The following FUT8 variants were observed in gnomAD, a reference collection of about 807,000 sequenced individuals.
FUT8 encodes fucosyltransferase 8, also known as alpha-(1,6)-fucosyltransferase.
Under a neutral mutation model 71.3 loss-of-function variants are expected in FUT8, and 29 were observed. That is an observed-to-expected ratio of 0.41 (90% CI 0.30 to 0.55). FUT8 has a LOEUF of 0.55. Ranked by LOEUF, FUT8 falls within the 20% of genes least tolerant of loss-of-function variation. FUT8 has a pLI of 0.34. For synonymous variants in FUT8, 254 were observed against 239.3 expected (o/e 1.06, Z -0.57); for missense variants, 544 against 702.1 (o/e 0.77, Z 2.55).
intron 3 of FUT8, among the ~76,000 whole-genome samples, chr14:65,611,603 G>T (rs1262042348): frequency 1.3e-5 from 2 of 151,632 alleles, no homozygotes; most frequent in African/African-American, 4.8e-5. Context: ...TTTCATTTCA[G>T]ACATTATAGT....
intron 7 of FUT8, among the ~76,000 whole-genome samples, chr14:65,715,870 A>G (rs1475922898): frequency 6.6e-6 from 1 of 151,324 alleles, no homozygotes; most frequent in Admixed American, 6.6e-5. Context: ...CTAGCTACTC[A>G]GGAGGCTGAG....
chr14:65,537,333 T>C (rs1358171148), intron 2 of FUT8, among the ~76,000 whole-genome samples: 1 of 151,798 alleles, frequency 6.6e-6, no homozygotes, highest in African/African-American at 2.4e-5. Flanking sequence ...CTCTGGTTTT[T>C]TGAGTTGTTG....
intron 3 of FUT8, among the ~76,000 whole-genome samples, chr14:65,613,359 T>C (rs1889107876): frequency 6.6e-6 from 1 of 152,208 alleles, no homozygotes; most frequent in Non-Finnish European, 1.5e-5. Context: ...TATTCTATTT[T>C]CAAATTGTTT....
the FUT8 span, among the ~76,000 whole-genome samples, chr14:65,382,368 G>T: frequency 6.6e-6 from 1 of 152,028 alleles, no homozygotes; most frequent in Non-Finnish European, 1.5e-5. Flanking sequence ...ACAGAGTCTC[G>T]CTCTATCACC....
chr14:65,634,959 A>C (rs1594843362), intron 6 of FUT8, among the ~76,000 whole-genome samples: 1 of 152,238 alleles, frequency 6.6e-6, no homozygotes, highest in Non-Finnish European at 1.5e-5. Context: ...CTGCCCATCC[A>C]TGAACATGGG....
chr14:65,405,935 C>T (rs1013036868), upstream of FUT8, among the ~76,000 whole-genome samples: 1 of 152,194 alleles, frequency 6.6e-6, no homozygotes, highest in Non-Finnish European at 1.5e-5. Context: ...CCCTCTTGAC[C>T]AATTAGGTGT....
In FUT8 at chr14:65,669,851, A is replaced by G. The variant is rs1892394084; in HGVS notation, c.835+371A>G. Among the ~76,000 whole-genome samples the G allele has an allele frequency of 6.6e-6, 1 of 152,212 alleles. No homozygotes were observed. Among genetic ancestry groups the G allele is most frequent in the Non-Finnish European group, 1.5e-5 (1 of 68,034 alleles). On this transcript the variant is annotated intron_variant, in intron 7 of 10. Transcript: ENST00000673929. This position sits in a 1 kb window ranked among gnomAD's most constrained non-coding sequence, Gnocchi z 4.5. ...GTCCAGTTTATATGGACTACTATAT[A>G]TGAGTAGCATGAGCATGCATGAGAA...
At chr14:65,378,975 T>C in the FUT8 span, among the ~76,000 whole-genome samples, 1 of 148,870 alleles carries the variant, frequency 6.7e-6, no homozygotes, top group Non-Finnish European at 1.5e-5. Context: ...GCCTCCCTAG[T>C]AGCTGGGATT....
At chr14:65,418,184 C>T (rs1252766537) in intron 1 of FUT8, among the ~76,000 whole-genome samples, 4 of 152,132 alleles carry the variant, frequency 2.6e-5, no homozygotes, top group Non-Finnish European at 5.9e-5. Context: ...CTATAACTTT[C>T]TGATTGTAAA....
intron 7 of FUT8, among the ~76,000 whole-genome samples, chr14:65,692,193 C>T (rs1221645220): frequency 6.6e-6 from 1 of 151,426 alleles, no homozygotes; most frequent in African/African-American, 2.4e-5. Context: ...CAGAGGTTCC[C>T]CTCACCTCCC....
At chr14:65,578,180 T>G (rs1454946204) in intron 3 of FUT8, among the ~76,000 whole-genome samples, 1 of 152,146 alleles carries the variant, frequency 6.6e-6, no homozygotes, top group Non-Finnish European at 1.5e-5. Flanking sequence ...GGGACTTGAT[T>G]AAACATTCTT....
chr14:65,514,884 T>C (rs913220635), intron 2 of FUT8, among the ~76,000 whole-genome samples: 1 of 152,168 alleles, frequency 6.6e-6, no homozygotes, highest in African/African-American at 2.4e-5. Flanking sequence ...TACAAATTGA[T>C]GGTGAGAATT....
chr14:65,398,728 C>CA, the FUT8 span, among the ~76,000 whole-genome samples: 2,027 of 127,922 alleles, frequency 0.016, 33 homozygotes, highest in African/African-American at 0.038. Context: ...GACTCCATCT[C>CA]AAAAAAAAAA....
chr14:65,435,317 T>A (rs1305467247), intron 1 of FUT8, among the ~76,000 whole-genome samples: 1 of 152,218 alleles, frequency 6.6e-6, no homozygotes, highest in Non-Finnish European at 1.5e-5. Flanking sequence ...AATTCTCAGA[T>A]ATGGAACTAG....
In FUT8 at chr14:65,489,799, G is replaced by C. The variant is rs2066458087; in HGVS notation, c.-228+34081G>C. Among the ~76,000 whole-genome samples, 1 of 152,020 alleles carries C rather than the reference G, an allele frequency of 6.6e-6. No homozygotes were observed. Reference sequence around the variant, plus strand: ...ATGTGGGTCATAGACTTGTTTCATAGTAAAACAGATGGCATGGCAAGGGAG... The same window carrying C: ...ATGTGGGTCATAGACTTGTTTCATACTAAAACAGATGGCATGGCAAGGGAG... On this transcript the variant is annotated intron_variant, in intron 2 of 10. Transcript: ENST00000673929. The surrounding 1 kb of genome is among the most constrained non-coding windows in gnomAD (Gnocchi z 4.0).
At chr14:65,510,826 T>A (rs1477066392) in intron 2 of FUT8, among the ~76,000 whole-genome samples, 1 of 152,028 alleles carries the variant, frequency 6.6e-6, no homozygotes, top group African/African-American at 2.4e-5. Flanking sequence ...TAGTCTGGCT[T>A]AAGGTTTGTC....
chr14:65,424,626 C>T (rs1299340116), intron 1 of FUT8, among the ~76,000 whole-genome samples: 5 of 150,826 alleles, frequency 3.3e-5, no homozygotes, highest in Non-Finnish European at 7.4e-5. Context: ...CAACGTCCAC[C>T]TCTGGTGTTC....
At chr14:65,511,964 C>T (rs1273307419) in intron 2 of FUT8, among the ~76,000 whole-genome samples, 1 of 152,082 alleles carries the variant, frequency 6.6e-6, no homozygotes, top group Non-Finnish European at 1.5e-5. Flanking sequence ...GTTTTGTGGT[C>T]TTCCCTTACG....
chr14:65,528,825 T>G (rs548286739), intron 2 of FUT8: 2 of 151,194 alleles, frequency 1.3e-5, no homozygotes, highest in East Asian at 3.9e-4. Flanking sequence ...ATCTTTGAAT[T>G]TAATTTAGAT....
Sources: gnomAD v4.1 joint callset for allele counts (sites outside exome capture counted in the v4.1 genomes callset) on GRCh38, gnomAD v4.1.1 for gene constraint, Gnocchi (gnomAD v3.1) non-coding constraint, MANE v1.5 for transcripts, NCBI Gene and HGNC (gene_info 2026-07-23, HGNC 2026-07-21) for gene names.